Variants in STX2 observed in about 807,000 individuals in gnomAD.
STX2 encodes the protein syntaxin-2.
In STX2, 27 loss-of-function variants were observed where a neutral mutation model predicts 40.6. The ratio of observed to expected loss-of-function variants is 0.66; its 90% CI spans 0.49 to 0.92. The LOEUF is 0.92. STX2 is among the 40% of genes least tolerant of loss of function. The probability of loss-of-function intolerance (pLI) is 0.00; values close to 1 mark genes in which losing one functional copy is unlikely to be tolerated. For missense variants in STX2, 328 were observed against 366.1 expected, an observed-to-expected ratio of 0.90 and a Z score of 0.85; for synonymous variants, 123 against 119.1, an observed-to-expected ratio of 1.03 and a Z score of -0.22.
At position 130,813,176 on chromosome 12, in the gene STX2, T is replaced by C. The variant is rs1951724850; in HGVS notation, c.206-145A>G. 3 of 504,484 alleles carry C rather than the reference T, an allele frequency of 5.9e-6. No individual in the cohort carries two copies. In the African/African-American group the frequency reaches 6.1e-5, roughly 10 times the overall value. 31.3% of individuals were successfully genotyped at this position (504,484 alleles called of 1,614,324 possible). On this transcript the variant is annotated intron_variant, in intron 3 of 10. Coordinates refer to ENST00000392373, the MANE Select transcript of STX2 (RefSeq NM_194356.4). ...TAAGAAAAACTACCGCTTATACCAGTGGTTCTCAAGGTGGGTCCCTAGACA... is the reference window on the plus strand; with the variant it reads ...TAAGAAAAACTACCGCTTATACCAGCGGTTCTCAAGGTGGGTCCCTAGACA...
At chr12:130,799,055 C>A (rs993455977) in intron 8 of STX2, among the ~76,000 whole-genome samples, 4 of 152,218 alleles carry the variant, frequency 2.6e-5, no homozygotes, top group Non-Finnish European at 4.4e-5. Context: ...GTAACTACTT[C>A]TTTAAATCAG....
chr12:130,810,603 G>A (rs982708620), intron 4 of STX2: 2 of 152,222 alleles, frequency 1.3e-5, no homozygotes, highest in African/African-American at 4.8e-5. Context: ...CAGACAATGA[G>A]GGGCCTACCA....
At chr12:130,827,129 G>A (rs1415237912) in intron 2 of STX2, 64 bp downstream of exon 2, 3 of 645,650 alleles carry the variant, frequency 4.6e-6, no homozygotes, top group South Asian at 4.4e-5. Flanking sequence ...AAGGAGGGAG[G>A]GGTGGGGGGA....
intron 6 of STX2, among the ~76,000 whole-genome samples, chr12:130,805,005 G>C (rs1951376583): frequency 6.6e-6 from 1 of 152,096 alleles, no homozygotes; most frequent in Non-Finnish European, 1.5e-5. Flanking sequence ...GATGGTGCGG[G>C]GCCTTCAAGC....
chr12:130,834,288 C>G (rs1021899466), intron 1 of STX2, among the ~76,000 whole-genome samples: 2 of 142,580 alleles, frequency 1.4e-5, no homozygotes, highest in Admixed American at 7.4e-5. Context: ...ACCCTAGAGG[C>G]GGAGGATGCA....
chr12:130,818,965 T>G (rs1283835357), intron 3 of STX2, among the ~76,000 whole-genome samples: 1 of 152,182 alleles, frequency 6.6e-6, no homozygotes, highest in Non-Finnish European at 1.5e-5. Context: ...TTCTACGTTT[T>G]GCAAAGACGC....
Position 130,807,028 on chromosome 12 carries a change from CAG to C in STX2, c.415_416del (p.Leu139ValfsTer49), listed in dbSNP as rs765877838. 5 of 1,614,248 alleles carry C rather than the reference CAG, an allele frequency of 3.1e-6. No individual in the cohort carries two copies. Among genetic ancestry groups the C allele is most frequent in the South Asian group, 1.1e-5 (1 of 91,082 alleles). ...AMAEYNEAQT[L>X]FRERSKGRIQ... ...TGCGGCCTTTGCTCCGCTCCCGAAA[CAG>C]AGTCTGTGCCTCATTGTACTCCGCC... On this transcript the variant is annotated frameshift_variant, in exon 6 of 11. Coordinates refer to ENST00000392373, the MANE Select transcript of STX2 (RefSeq NM_194356.4). LOFTEE classifies it high-confidence loss of function.
At chr12:130,838,966 C>A in intron 1 of STX2, 104 bp downstream of exon 1, 2 of 1,147,542 alleles carry the variant, frequency 1.7e-6, no homozygotes, top group South Asian at 5.3e-5. Flanking sequence ...GATCCCCGCC[C>A]TGGGGACCCT....
chr12:130,793,013 T>C lies in STX2; in HGVS notation c.*46-1036A>G, dbSNP rs549251003. Among the ~76,000 whole-genome samples the C allele has an allele frequency of 7.2e-5, 11 of 152,288 alleles. No homozygotes were observed. In the South Asian group the frequency reaches 8.3e-4, roughly 11 times the overall value. The stretch of plus-strand genomic sequence containing the variant: ...ACAGGAGGCACCGCGCTGTAGGACT[T>C]TGAGTTCTCTTTTTGAACAGCAGAG... On this transcript the variant is annotated intron_variant, in intron 10 of 10. Coordinates refer to ENST00000392373, the MANE Select transcript of STX2 (RefSeq NM_194356.4).
At chr12:130,832,116 G>A (rs1479803537) in intron 1 of STX2, among the ~76,000 whole-genome samples, 1 of 151,476 alleles carries the variant, frequency 6.6e-6, no homozygotes, top group Non-Finnish European at 1.5e-5. Flanking sequence ...CCACGTGCTG[G>A]TATTACAGGC....
At chr12:130,799,173 TG>T in intron 8 of STX2, among the ~76,000 whole-genome samples, 1 of 152,250 alleles carries the variant, frequency 6.6e-6, no homozygotes, top group East Asian at 1.9e-4. Flanking sequence ...ATTACCTGGT[TG>T]TCTGTCCAGA....
intron 3 of STX2, among the ~76,000 whole-genome samples, chr12:130,814,471 G>A: frequency 6.6e-6 from 1 of 151,976 alleles, no homozygotes; most frequent in Non-Finnish European, 1.5e-5. Flanking sequence ...CAGCGGGACG[G>A]TGGGCTGTAG....
At chr12:130,812,566 C>T (rs1452929571) in intron 4 of STX2, 1 of 282,442 alleles carries the variant, frequency 3.5e-6, no homozygotes, top group African/African-American at 2.3e-5. Flanking sequence ...CTGTTTAAGT[C>T]CCCTGTTTTA....
At chr12:130,804,423 G>A (rs930269289) in intron 6 of STX2, among the ~76,000 whole-genome samples, 4 of 152,156 alleles carry the variant, frequency 2.6e-5, no homozygotes, top group Middle Eastern at 3.2e-3. Context: ...GTCTGAAGAC[G>A]ATGCCTCCGG....
intron 2 of STX2, among the ~76,000 whole-genome samples, chr12:130,824,418 A>G (rs1443942199): frequency 6.6e-6 from 1 of 152,186 alleles, no homozygotes; most frequent in Non-Finnish European, 1.5e-5. Context: ...TTTCTAAAGT[A>G]ATACACATAT....
At chr12:130,823,516 C>T (rs915041265) in intron 2 of STX2, among the ~76,000 whole-genome samples, 2 of 152,164 alleles carry the variant, frequency 1.3e-5, no homozygotes, top group African/African-American at 4.8e-5. Flanking sequence ...TAAGACGAGG[C>T]AAGGGAGCCA....
At chr12:130,800,503 T>C (rs2037791) in intron 8 of STX2, among the ~76,000 whole-genome samples, 7,151 of 152,220 alleles carry the variant, frequency 0.047, 528 homozygotes, top group African/African-American at 0.16. Context: ...CTGCTTTCAC[T>C]CCCTATCTGT....
At chr12:130,818,170 C>CAAAAAAA (rs756794046) in intron 3 of STX2, among the ~76,000 whole-genome samples, 13 of 49,858 alleles carry the variant, frequency 2.6e-4, no homozygotes, top group African/African-American at 1.3e-3. Flanking sequence ...GCTGTTTCTA[C>CAAAAAAA]AAAAAAAAAA....
intron 10 of STX2, among the ~76,000 whole-genome samples, chr12:130,795,099 C>T (rs990061692): frequency 6.6e-6 from 1 of 152,166 alleles, no homozygotes; most frequent in African/African-American, 2.4e-5. Flanking sequence ...AAACTGATAC[C>T]TTTTATATTC....
Sources: gnomAD v4.1 joint callset for allele counts (sites outside exome capture counted in the v4.1 genomes callset) on GRCh38, gnomAD v4.1.1 for gene constraint, MANE v1.5 for transcripts, NCBI Gene and HGNC (gene_info 2026-07-23, HGNC 2026-07-21) for gene names.